The following UNC5C variants were observed in gnomAD, a reference collection of about 807,000 sequenced individuals.
The protein encoded by UNC5C is unc-5 netrin receptor C, also known as netrin receptor UNC5C.
UNC5C carries 47 observed loss-of-function variants against 99.8 expected under a neutral mutation model. The ratio of observed to expected loss-of-function variants is 0.47; its 90% confidence interval spans 0.37 to 0.60. The LOEUF (loss-of-function observed/expected upper bound fraction) is 0.60, where lower values mean the gene tolerates loss of function less well. UNC5C is among the 20% of genes least tolerant of loss of function. The pLI, the probability that UNC5C is intolerant of heterozygous loss-of-function variation, is 0.00. For missense variants in UNC5C, 1,062 were observed against 1,165.9 expected (o/e 0.91, Z 1.30); for synonymous variants, 487 against 452.2 (o/e 1.08, Z -0.98).
chr4:95,337,283 CTATT>C (rs1326558826), intron 1 of UNC5C, among the ~76,000 whole-genome samples: 4 of 151,854 alleles, frequency 2.6e-5, no homozygotes, highest in Admixed American at 6.6e-5. Flanking sequence ...TATTTAATAA[CTATT>C]TATTTAAGCA....
intron 2 of UNC5C, among the ~76,000 whole-genome samples, chr4:95,304,278 A>T (rs190677299): frequency 6.5e-4 from 99 of 152,328 alleles, no homozygotes; most frequent in South Asian, 3.3e-3. Context: ...ATGTTTATAT[A>T]TTAACCAGTT....
chr4:95,501,586 T>C (rs992944629), intron 1 of UNC5C, among the ~76,000 whole-genome samples: 1 of 152,150 alleles, frequency 6.6e-6, no homozygotes, highest in African/African-American at 2.4e-5. Flanking sequence ...TAATAAATTA[T>C]TTGGCTCCTC....
intron 1 of UNC5C, among the ~76,000 whole-genome samples, chr4:95,360,848 G>A (rs1416781019): frequency 6.6e-6 from 1 of 152,132 alleles, no homozygotes; most frequent in Non-Finnish European, 1.5e-5. Context: ...TATAAAGGAG[G>A]CAAATGATTT....
chr4:95,380,273 A>T (rs1745031671), intron 1 of UNC5C, among the ~76,000 whole-genome samples: 1 of 152,156 alleles, frequency 6.6e-6, no homozygotes, highest in Admixed American at 6.6e-5. Flanking sequence ...AAAATAATAT[A>T]GAACAGTTCA....
At chr4:95,445,325 G>T in intron 1 of UNC5C, among the ~76,000 whole-genome samples, 1 of 122,068 alleles carries the variant, frequency 8.2e-6, no homozygotes. Context: ...ATTAATTAGA[G>T]AAATGAATCT....
At chr4:95,338,076 C>T (rs539366841) in intron 1 of UNC5C, among the ~76,000 whole-genome samples, 2 of 152,090 alleles carry the variant, frequency 1.3e-5, no homozygotes, top group Middle Eastern at 6.8e-3. Context: ...TAGATATGTA[C>T]AGTGGGACAG....
chr4:95,518,505 T>C (rs1160304278), intron 1 of UNC5C, among the ~76,000 whole-genome samples: 1 of 152,202 alleles, frequency 6.6e-6, no homozygotes, highest in East Asian at 1.9e-4. Context: ...TATGCATATT[T>C]ATACAGAAAA....
chr4:95,212,672 ATC>A (rs2149364806), intron 10 of UNC5C, among the ~76,000 whole-genome samples: 1 of 152,158 alleles, frequency 6.6e-6, no homozygotes, highest in Non-Finnish European at 1.5e-5. Flanking sequence ...CCTAGCAGGA[ATC>A]CACATCCCCA....
At chr4:95,507,708 A>G (rs772530908) in intron 1 of UNC5C, among the ~76,000 whole-genome samples, 5 of 152,044 alleles carry the variant, frequency 3.3e-5, no homozygotes, top group Non-Finnish European at 5.9e-5. Context: ...CTCTCGATAT[A>G]GAGTCACATA....
chr4:95,253,716 C>A (rs762693124), intron 4 of UNC5C, among the ~76,000 whole-genome samples: 19 of 152,162 alleles, frequency 1.2e-4, no homozygotes, highest in Non-Finnish European at 2.8e-4. Flanking sequence ...CAGCTTCTGA[C>A]AAGACCCCAC....
chr4:95,201,071 C>A (rs1417102778), intron 12 of UNC5C, among the ~76,000 whole-genome samples: 1 of 152,144 alleles, frequency 6.6e-6, no homozygotes, highest in Non-Finnish European at 1.5e-5. Context: ...CAGAGCCCAC[C>A]CATGCTGGCA....
At chr4:95,244,029 A>G (rs774159500) in intron 6 of UNC5C, among the ~76,000 whole-genome samples, 12 of 152,226 alleles carry the variant, frequency 7.9e-5, no homozygotes, top group Non-Finnish European at 1.8e-4. Context: ...TTGGGAATGT[A>G]AAGTGTAGAT....
chr4:95,190,739 C>T (rs1560722624), intron 12 of UNC5C, among the ~76,000 whole-genome samples: 2 of 152,156 alleles, frequency 1.3e-5, no homozygotes, highest in Non-Finnish European at 2.9e-5. Context: ...CATCAGTCAC[C>T]AGAAGCAGGC....
intron 1 of UNC5C, among the ~76,000 whole-genome samples, chr4:95,397,455 G>A (rs182719490): frequency 1.7e-4 from 26 of 152,216 alleles, no homozygotes; most frequent in African/African-American, 5.5e-4. Context: ...GGCATCTAAA[G>A]GATTTAGTTA....
rs3733214 is a variant in UNC5C at position 95,183,124 on chromosome 4, G to A, written c.2287-63C>T. 3.6e-4 allele frequency: 543 copies of A among 1,511,668 alleles called. 4 individuals are homozygous for A. In the East Asian group the frequency reaches 0.012, roughly 33 times the overall value. 93.6% of individuals were successfully genotyped at this position (1,511,668 alleles called of 1,614,324 possible). A position where few individuals can be genotyped will look rare whatever the true frequency, so the allele number is the denominator to read the frequency against. On this transcript the variant is annotated intron_variant, in intron 13 of 15. Transcript: ENST00000453304. ...TAATACCAAAAATAACTCTCAGATG[G>A]TCTGCTGCCAGGTACTCTGAGTATC...
At chr4:95,467,324 G>A (rs565331947) in intron 1 of UNC5C, among the ~76,000 whole-genome samples, 2 of 152,238 alleles carry the variant, frequency 1.3e-5, no homozygotes, top group Non-Finnish European at 2.9e-5. Flanking sequence ...TTGGAAGATA[G>A]AGAAGGAATA....
intron 2 of UNC5C, among the ~76,000 whole-genome samples, chr4:95,325,130 T>A (rs1485932680): frequency 1.3e-5 from 2 of 152,130 alleles, no homozygotes; most frequent in African/African-American, 4.8e-5. Flanking sequence ...AAGGTGAAAC[T>A]ATGGGACAAA....
intron 1 of UNC5C, among the ~76,000 whole-genome samples, chr4:95,486,402 C>A (rs1393030225): frequency 1.0e-5 from 1 of 95,542 alleles, no homozygotes; most frequent in Non-Finnish European, 2.9e-5. Context: ...GACTCCAAAT[C>A]ATTGCTGTGT....
chr4:95,209,635 G>C (rs1276939100), intron 10 of UNC5C, among the ~76,000 whole-genome samples: 4 of 152,148 alleles, frequency 2.6e-5, no homozygotes, highest in Admixed American at 2.6e-4. Flanking sequence ...TAAGGTTATT[G>C]GGAGCAACTT....
Sources: allele counts gnomAD v4.1 joint callset (sites outside exome capture counted in the v4.1 genomes callset), GRCh38; gene constraint gnomAD v4.1.1; transcripts MANE v1.5; gene names NCBI Gene and HGNC (gene_info 2026-07-23, HGNC 2026-07-21).